Variants in CSAG1 observed in about 807,000 individuals in gnomAD.
CSAG1 encodes chondrosarcoma-associated gene 1 protein.
In CSAG1, 4 loss-of-function variants were observed where a neutral mutation model predicts 4.8. That is an observed-to-expected ratio of 0.83 (90% CI 0.41 to 1.90). CSAG1 has a LOEUF of 1.90. Among genes scored for constraint, CSAG1 ranks in the 40% most tolerant of loss-of-function variants. CSAG1 has a pLI of 0.03. For missense variants in CSAG1, 69 were observed against 59.5 expected, an observed-to-expected ratio of 1.16 and a Z score of -0.53; for synonymous variants, 21 against 23.1, an observed-to-expected ratio of 0.91 and a Z score of 0.26.
chrX:152,731,417 T>C (rs1569406795), intron 2 of CSAG1, among the ~76,000 whole-genome samples: 1 of 112,283 alleles, frequency 8.9e-6, no homozygotes, highest in East Asian at 2.8e-4. Context: ...TATTCAAAGC[T>C]CAAGCCACCC....
At chrX:152,730,829 C>T in intron 2 of CSAG1, among the ~76,000 whole-genome samples, 1 of 112,220 alleles carries the variant, frequency 8.9e-6, no homozygotes, top group Non-Finnish European at 1.9e-5. Flanking sequence ...AAATGTTACA[C>T]ACACAGAAAC....
chrX:152,731,837 T>C (rs7888172), intron 2 of CSAG1, among the ~76,000 whole-genome samples: 2,030 of 112,146 alleles, frequency 0.018, 45 homozygotes, highest in African/African-American at 0.061. Context: ...AATGAGTTTA[T>C]GGAAAAAAGA....
chrX:152,729,999 T>C (rs1556228753), intron 2 of CSAG1, among the ~76,000 whole-genome samples: 1 of 75,505 alleles, frequency 1.3e-5, no homozygotes, highest in African/African-American at 4.6e-5. Context: ...GGATTATATA[T>C]ATATATATAT....
Position 152,727,927 on chromosome X carries a change from G to A in CSAG1, c.168-64C>T, listed in dbSNP as rs1932053565. 9.2e-6 allele frequency: 11 copies of A among 1,191,454 alleles called. No homozygotes were observed. The Admixed American group carries it at 2.0e-4, about 21-fold the overall frequency. ...TTGGGGAAGAGGATGGAGGAGGGGT[G>A]AGAACAGGGGTTTCATAGAGAAATG... On this transcript the variant is annotated intron_variant, in intron 3 of 3. Transcript: ENST00000452779.
chrX:152,733,407 TTA>T (rs1932207468), intron 1 of CSAG1, among the ~76,000 whole-genome samples: 55 of 111,369 alleles, frequency 4.9e-4, no homozygotes, highest in African/African-American at 1.4e-3. Flanking sequence ...CCTGGTAAAC[TTA>T]GGCAATAATG....
rs1932049714 is a variant in CSAG1 at position 152,727,837 on chromosome X, T to C, written c.194A>G (p.Lys65Arg). The change falls in exon 4 of 4, where the codon AAG becomes AGG. Residue 65 changes from lysine to arginine, a missense_variant. Lys to Arg is a conservative substitution (Grantham distance 26). Transcript: ENST00000452779. ...KRFPRQPRRE[K>R]GPVKEVPGTK... ...TCCTGGAACTTCCTTGACGGGTCCC[T>C]TTTCCCTTCTGGGTTGTCTTGGGAA... is the stretch of plus-strand genomic sequence containing the variant. The C allele has an allele frequency of 2.5e-6, 3 of 1,208,405 alleles. No individual in the cohort carries two copies. The East Asian group carries it at 8.9e-5, about 36-fold the overall frequency.
chrX:152,728,712 C>T (rs1556831078), intron 2 of CSAG1, among the ~76,000 whole-genome samples: 5 of 111,799 alleles, frequency 4.5e-5, no homozygotes, highest in Admixed American at 3.8e-4. Context: ...CAAGGACTGG[C>T]GGGGTTGGCT....
chrX:152,732,919 A>G (rs1932192489), intron 1 of CSAG1: 1 of 133,857 alleles, frequency 7.5e-6, no homozygotes, highest in Non-Finnish European at 1.5e-5. Context: ...TTCCTTCAAC[A>G]GAACACAAAG....
At chrX:152,732,577 G>A (rs1408547011) in intron 1 of CSAG1, 73 bp from the exon 2 acceptor site, 13 of 1,135,245 alleles carry the variant, frequency 1.1e-5, no homozygotes, top group Non-Finnish European at 7.2e-6. Flanking sequence ...ACAAAACAGG[G>A]CCAGTCCAGG....
intron 2 of CSAG1, among the ~76,000 whole-genome samples, chrX:152,729,466 C>A (rs1300585994): frequency 8.9e-6 from 1 of 112,314 alleles, no homozygotes; most frequent in Admixed American, 9.4e-5. Flanking sequence ...CTGCGGTACA[C>A]ATATGTGATA....
At chrX:152,728,024 T>C (rs1357494939) in intron 3 of CSAG1, 50 bp downstream of exon 3, 1 of 1,208,932 alleles carries the variant, frequency 8.3e-7, no homozygotes, top group East Asian at 3.0e-5. Context: ...GCCATTCACT[T>C]TGATAGGGCT....
intron 2 of CSAG1, among the ~76,000 whole-genome samples, chrX:152,729,149 G>T (rs1438195851): frequency 1.8e-5 from 2 of 110,345 alleles, no homozygotes; most frequent in Admixed American, 9.6e-5. Context: ...AAAAGGTGTC[G>T]GAACAATTAG....
chrX:152,733,143 G>A (rs1932199114), intron 1 of CSAG1: 1 of 112,269 alleles, frequency 8.9e-6, no homozygotes, highest in South Asian at 3.7e-4. Flanking sequence ...GAAAGTGTCT[G>A]TCTTCTTCCA....
intron 2 of CSAG1, among the ~76,000 whole-genome samples, chrX:152,729,816 CT>C (rs782070224): frequency 4.5e-5 from 5 of 110,115 alleles, no homozygotes; most frequent in African/African-American, 1.6e-4. Context: ...TTGGCGTTTT[CT>C]TAAAAAACGG....
intron 2 of CSAG1, 128 bp from the exon 3 acceptor site, chrX:152,728,352 A>G: frequency 1.5e-6 from 1 of 653,741 alleles, no homozygotes; most frequent in Non-Finnish European, 2.5e-6. Context: ...AAATTGCTTT[A>G]CTTAAAGTCA....
intron 2 of CSAG1, among the ~76,000 whole-genome samples, chrX:152,730,300 T>C (rs1472355811): frequency 9.0e-6 from 1 of 111,587 alleles, no homozygotes; most frequent in Admixed American, 9.5e-5. Flanking sequence ...ATCAGGGCAG[T>C]GAAACTAGTA....
intron 3 of CSAG1, 63 bp from the exon 4 acceptor site, chrX:152,727,926 T>C: frequency 2.5e-6 from 3 of 1,192,810 alleles, no homozygotes; most frequent in Non-Finnish European, 3.4e-6. Context: ...GGAGGAGGGG[T>C]GAGAACAGGG....
At chrX:152,732,010 AG>A (rs1481314604) in intron 2 of CSAG1, among the ~76,000 whole-genome samples, 1 of 112,312 alleles carries the variant, frequency 8.9e-6, no homozygotes, top group Non-Finnish European at 1.9e-5. Flanking sequence ...AGACACAAAA[AG>A]CTATAAGTAT....
At chrX:152,729,765 T>C (rs1330990802) in intron 2 of CSAG1, among the ~76,000 whole-genome samples, 6 of 110,331 alleles carry the variant, frequency 5.4e-5, no homozygotes, top group Non-Finnish European at 9.5e-5. Context: ...CATTCATAGC[T>C]CGTGGAAATG....
Sources: allele counts gnomAD v4.1 joint callset (sites outside exome capture counted in the v4.1 genomes callset), GRCh38; gene constraint gnomAD v4.1.1; transcripts MANE v1.5; gene names NCBI Gene and HGNC (gene_info 2026-07-23, HGNC 2026-07-21).